PLXND1: variants seen among roughly 807,000 people sequenced by gnomAD.
PLXND1 encodes plexin D1, also known as plexin-D1.
A neutral mutation model predicts 197.7 loss-of-function variants in PLXND1; 54 were observed. That is an observed-to-expected ratio of 0.27 (90% CI 0.22 to 0.34). PLXND1 has a LOEUF of 0.34. Ranked by LOEUF, PLXND1 falls within the 10% of genes least tolerant of loss-of-function variation. PLXND1 has a pLI of 1.00. For missense variants in PLXND1, 2,127 were observed against 2,699.2 expected (o/e 0.79, Z 4.70); for synonymous variants, 1,180 against 1,161.2 (o/e 1.02, Z -0.33).
Position 129,563,034 on chromosome 3 carries a change from G to T in PLXND1, c.4668+60C>A, listed in dbSNP as rs2085084475. The T allele has an allele frequency of 3.7e-6, 6 of 1,611,228 alleles. No homozygotes were observed. The Middle Eastern group carries it at 5.3e-4, about 142-fold the overall frequency. On this transcript the variant is annotated intron_variant, in intron 26 of 35. Coordinates refer to ENST00000324093, the MANE Select transcript of PLXND1 (RefSeq NM_015103.3). ...AGCAAGGCCCTGCAGAGGAAGGCTG[G>T]GTCAATGCCGTTGGCGGCGACACAG...
intron 1 of PLXND1, among the ~76,000 whole-genome samples, chr3:129,595,379 C>T (rs1466913931): frequency 6.6e-6 from 1 of 152,214 alleles, no homozygotes; most frequent in Non-Finnish European, 1.5e-5. Flanking sequence ...GGCAGCAGCC[C>T]CCATGCCAGG....
At chr3:129,574,977 T>C (rs972427324) in intron 11 of PLXND1, among the ~76,000 whole-genome samples, 1 of 152,036 alleles carries the variant, frequency 6.6e-6, no homozygotes, top group Non-Finnish European at 1.5e-5. Context: ...CAGGGAGGGT[T>C]CTCCAGGACC....
rs535323978 is a variant in PLXND1 at position 129,581,888 on chromosome 3, A to G, written c.2241+1679T>C. Among the ~76,000 whole-genome samples, 373 of 152,344 alleles carry G rather than the reference A, an allele frequency of 2.4e-3. 3 individuals are homozygous for G. The highest frequency in any genetic ancestry group is 2.9e-3 in the South Asian group (14 of 4,826). On this transcript the variant is annotated intron_variant, in intron 8 of 35. Transcript: ENST00000324093. ...GCGCACAAGAAGCAGGCTGCTGCCC[A>G]GTGTGATGCTTCCCACCACCATAAC...
In PLXND1 at chr3:129,606,146, G is replaced by A. The variant is rs2085790174; in HGVS notation, c.494C>T (p.Pro165Leu). 6.6e-7 allele frequency: 1 copy of A among 1,512,362 alleles called. No homozygotes were observed. The allele number at this position is 1,512,362 out of a possible 1,614,324, so 93.7% of individuals were successfully genotyped here. ...GACGGGCTCGGCGGGCGGCGCGGCG[G>A]GCGGGAAGCGCACGGCCACGGCCGA... is the stretch of plus-strand genomic sequence containing the variant. The part of the protein sequence containing the change: ...NISAVAVRFP[P>L]AAPPAEPVTV... The change falls in exon 1 of 36, where the codon CCC becomes CTC. Residue 165 changes from proline (P) to leucine (L), a missense_variant. By Grantham distance (98) the Pro-to-Leu change is moderately conservative. Coordinates refer to ENST00000324093, the MANE Select transcript of PLXND1 (RefSeq NM_015103.3).
rs906770925 is a variant in PLXND1, at chr3:129,556,083, C to G, written c.*229G>C. ...TGGGGGAGCCTGACCAGCTCTCTGG[C>G]CTCCATCCCAGAGACTGATCTGGGG... On this transcript the variant is annotated 3_prime_UTR_variant, in exon 36 of 36. Coordinates refer to ENST00000324093, the MANE Select transcript of PLXND1 (RefSeq NM_015103.3). 3.8e-6 allele frequency: 2 copies of G among 523,302 alleles called. No individual in the cohort carries two copies. The highest frequency in any genetic ancestry group is 6.9e-6 in the Non-Finnish European group (2 of 289,512). The allele number at this position is 523,302 out of a possible 1,614,324, so 32.4% of individuals were successfully genotyped here. A position where few individuals can be genotyped will look rare whatever the true frequency, so the allele number is the denominator to read the frequency against.
At chr3:129,586,434 C>T (rs548060466) in intron 3 of PLXND1, among the ~76,000 whole-genome samples, 154 bp downstream of exon 3, 2 of 152,116 alleles carry the variant, frequency 1.3e-5, no homozygotes, top group East Asian at 1.9e-4. Context: ...GAGGCAAGGT[C>T]GGTGTTGGGA....
Position 129,586,081 on chromosome 3 carries a change from C to G in PLXND1, c.1722G>C (p.Arg574=). The stretch of plus-strand genomic sequence containing the variant: ...TGGTGCAGTCCTGCTGCAAGGTGCA[C>G]CTGGGGTGGCACCGCAGGGTCAGGA... ...AYCGWCALET[R]CTLQQDCTNS... The change falls in exon 5 of 36, where the codon CGG becomes CGC. Residue 574 remains arginine, a splice_region_variant and synonymous_variant. Coordinates refer to ENST00000324093, the MANE Select transcript of PLXND1 (RefSeq NM_015103.3). The G allele has an allele frequency of 6.2e-7, 1 of 1,613,820 alleles. No individual in the cohort carries two copies. The highest frequency in any genetic ancestry group is 8.5e-7 in the Non-Finnish European group (1 of 1,179,966).
chr3:129,596,751 CG>C (rs554101097), intron 1 of PLXND1, among the ~76,000 whole-genome samples: 72 of 152,352 alleles, frequency 4.7e-4, no homozygotes, highest in Non-Finnish European at 6.8e-4. Context: ...CTGGTCTCCT[CG>C]GGGTCCAGCC....
At chr3:129,556,995 T>A in intron 34 of PLXND1, 88 bp downstream of exon 34, 1 of 1,413,802 alleles carries the variant, frequency 7.1e-7, no homozygotes, top group South Asian at 1.2e-5. Context: ...TCCCTGCCCT[T>A]ACTCCAGTGG....
chr3:129,555,484 C>T lies in PLXND1; in HGVS notation c.*828G>A. 1 of 681,516 alleles carries T rather than the reference C, an allele frequency of 1.5e-6. No homozygotes were observed. The highest frequency in any genetic ancestry group is 1.6e-5 in the South Asian group (1 of 63,584). 42.2% of individuals were successfully genotyped at this position (681,516 alleles called of 1,614,324 possible). A position where few individuals can be genotyped will look rare whatever the true frequency, so the allele number is the denominator to read the frequency against. On this transcript the variant is annotated 3_prime_UTR_variant, in exon 36 of 36. Coordinates refer to ENST00000324093, the MANE Select transcript of PLXND1 (RefSeq NM_015103.3). Reference sequence around the variant, plus strand: ...GCCTCTCGGGACCCCTCCCCGGGTCCTCTGCGCAAGCGGCAGCTATTCACA... The same window carrying T: ...GCCTCTCGGGACCCCTCCCCGGGTCTTCTGCGCAAGCGGCAGCTATTCACA...
chr3:129,573,106 G>A, intron 13 of PLXND1, 165 bp from the exon 14 acceptor site: 1 of 610,118 alleles, frequency 1.6e-6, no homozygotes. Context: ...AGACACGGGG[G>A]TGGGACAAAA....
intron 19 of PLXND1, among the ~76,000 whole-genome samples, chr3:129,570,341 A>G (rs1219930429): frequency 6.6e-6 from 1 of 152,108 alleles, no homozygotes; most frequent in Non-Finnish European, 1.5e-5. Context: ...ACTGGGACTG[A>G]GGTGCAGGTG....
intron 31 of PLXND1, among the ~76,000 whole-genome samples, chr3:129,560,025 G>A (rs1236331777): frequency 6.6e-6 from 1 of 152,220 alleles, no homozygotes; most frequent in African/African-American, 2.4e-5. Context: ...GTGGGGTGCC[G>A]GCGCTGCCAC....
rs1263560364 is a variant in PLXND1 at position 129,566,037 on chromosome 3, T to C, written c.4192-20A>G. ...AGGAATCTGTGGAAGCAACTGGTGA[T>C]GGGGTGTCCAGAGGGGCCCAGTGTC... On this transcript the variant is annotated intron_variant, in intron 23 of 35. Transcript: ENST00000324093. The C allele has an allele frequency of 1.9e-6, 3 of 1,613,844 alleles. No individual in the cohort carries two copies. The highest frequency in any genetic ancestry group is 1.1e-5 in the South Asian group (1 of 91,020).
chr3:129,571,962 A>AAC, intron 15 of PLXND1, 118 bp from the exon 16 acceptor site: 2 of 862,450 alleles, frequency 2.3e-6, no homozygotes, highest in Non-Finnish European at 3.6e-6. Context: ...GGCCTCCTTG[A>AAC]CTGGTCCCAA....
intron 31 of PLXND1, among the ~76,000 whole-genome samples, chr3:129,560,082 C>CTGTA (rs2085034991): frequency 6.6e-6 from 1 of 152,240 alleles, no homozygotes; most frequent in African/African-American, 2.4e-5. Context: ...TGGGCCTCTG[C>CTGTA]TGTACCCTGT....
intron 11 of PLXND1, among the ~76,000 whole-genome samples, chr3:129,575,168 G>A (rs2085294270): frequency 6.6e-6 from 1 of 152,242 alleles, no homozygotes; most frequent in South Asian, 2.1e-4. Flanking sequence ...CAGATGCCAC[G>A]CTCAAGGTTG....
At position 129,555,454 on chromosome 3, in the gene PLXND1, G is replaced by A; in HGVS notation, c.*858C>T. On this transcript the variant is annotated 3_prime_UTR_variant, in exon 36 of 36. Coordinates refer to ENST00000324093, the MANE Select transcript of PLXND1 (RefSeq NM_015103.3). ...GGAACAGTCATTTCCAGTGTTGCAT[G>A]GGGAGCCTCTCGGGACCCCTCCCCG... 2 of 675,788 alleles carry A rather than the reference G, an allele frequency of 3.0e-6. No homozygotes were observed. The highest frequency in any genetic ancestry group is 5.3e-6 in the Non-Finnish European group (2 of 378,100). The allele number at this position is 675,788 out of a possible 1,614,324, so 41.9% of individuals were successfully genotyped here. A position where few individuals can be genotyped will look rare whatever the true frequency, so the allele number is the denominator to read the frequency against.
chr3:129,566,633 TGCAGAG>T lies in PLXND1; in HGVS notation c.4087-8_4087-3del. The stretch of plus-strand genomic sequence containing the variant: ...ACGCTCTTCATAAAGGGAGGAACAC[TGCAGAG>T]GCAGACCCCCAGCATCTCAGCGGGG... On this transcript the variant is annotated splice_region_variant and splice_polypyrimidine_tract_variant and intron_variant, in intron 22 of 35. Coordinates refer to ENST00000324093, the MANE Select transcript of PLXND1 (RefSeq NM_015103.3). The T allele has an allele frequency of 6.4e-7, 1 of 1,573,222 alleles. No homozygotes were observed. The highest frequency in any genetic ancestry group is 8.7e-7 in the Non-Finnish European group (1 of 1,146,432).
Sources: allele counts gnomAD v4.1 joint callset (sites outside exome capture counted in the v4.1 genomes callset), GRCh38; gene constraint gnomAD v4.1.1; transcripts MANE v1.5; gene names NCBI Gene and HGNC (gene_info 2026-07-23, HGNC 2026-07-21).